MSTO1: variants seen among roughly 807,000 people sequenced by gnomAD.
MSTO1 encodes the protein protein misato homolog 1.
In MSTO1, 24 loss-of-function variants were observed where a neutral mutation model predicts 55.7. That is an observed-to-expected ratio of 0.43 (90% confidence interval 0.31 to 0.61). MSTO1 has a LOEUF of 0.61. Among genes scored for constraint, MSTO1 ranks in the 20% least tolerant of loss-of-function variants. The pLI, the probability that MSTO1 is intolerant of heterozygous loss-of-function variation, is 0.09. For missense variants in MSTO1, 363 were observed against 625.7 expected (o/e 0.58, Z 4.48); for synonymous variants, 162 against 252.8 (o/e 0.64, Z 3.41).
At chr1:155,609,243 A>ATATATATATATATATATATTT (rs59756178), upstream of MSTO1, among the ~76,000 whole-genome samples, 3 of 54,566 alleles carry the variant, frequency 5.5e-5, no homozygotes, top group Non-Finnish European at 9.0e-5. Context: ...ATATATATAT[A>ATATATATATATATATATATTT]TTTTTTTTTT....
the MSTO1 span, among the ~76,000 whole-genome samples, chr1:155,587,603 G>A: frequency 2.0e-5 from 3 of 151,764 alleles, no homozygotes; most frequent in African/African-American, 7.3e-5. Flanking sequence ...AATTAGCCGG[G>A]CGTGGTGGCG....
chr1:155,598,594 C>T, the MSTO1 span, among the ~76,000 whole-genome samples: 1 of 152,062 alleles, frequency 6.6e-6, no homozygotes, highest in Non-Finnish European at 1.5e-5. Flanking sequence ...TGGTGGTACA[C>T]ACCTGTAATC....
chr1:155,589,678 T>C, the MSTO1 span, among the ~76,000 whole-genome samples: 215 of 152,104 alleles, frequency 1.4e-3, no homozygotes, highest in Non-Finnish European at 2.5e-3. Flanking sequence ...GCTGAAGAAC[T>C]TGGAGTCCAG....
At chr1:155,569,599 G>A in the MSTO1 span, among the ~76,000 whole-genome samples, 1 of 151,630 alleles carries the variant, frequency 6.6e-6, no homozygotes. Context: ...CACCACGCCT[G>A]ACTAATTTTT....
Position 155,610,260 on chromosome 1 carries a change from G to A in MSTO1, c.12G>A (p.Gly4=), listed in dbSNP as rs1673529128. 1 of 741,600 alleles carries A rather than the reference G, an allele frequency of 1.3e-6. No individual in the cohort carries two copies. Among genetic ancestry groups the A allele is most frequent in the Non-Finnish European group, 2.2e-6 (1 of 450,242 alleles). The allele number at this position is 741,600 out of a possible 1,614,324, so 45.9% of individuals were successfully genotyped here. MAG[G]AREVLTLQLG... ...TGGAGCAGCGCAGTATGGCGGGCGG[G>A]GCCCGGGAGGTGCTCACACTGCAGT... is the stretch of plus-strand genomic sequence containing the variant. The change falls in exon 1 of 14, where the codon GGG becomes GGA. Residue 4 remains glycine, a synonymous_variant. Transcript: ENST00000245564.
At chr1:155,563,683 CT>C in the MSTO1 span, 2 of 398,284 alleles carry the variant, frequency 5.0e-6, no homozygotes, top group East Asian at 7.3e-5. Flanking sequence ...CTTAGTCTCC[CT>C]TTTCTTCCTT....
chr1:155,604,856 CA>C, the MSTO1 span, among the ~76,000 whole-genome samples: 1 of 151,328 alleles, frequency 6.6e-6, no homozygotes, highest in African/African-American at 2.4e-5. Flanking sequence ...GCTTGAGTGA[CA>C]AAGTGAGATC....
At chr1:155,563,419 G>T in the MSTO1 span, 1 of 456,704 alleles carries the variant, frequency 2.2e-6, no homozygotes, top group Non-Finnish European at 4.4e-6. Flanking sequence ...AGGCCAGTAG[G>T]ACCGGCGCGC....
chr1:155,568,136 G>C, the MSTO1 span, among the ~76,000 whole-genome samples: 1 of 150,956 alleles, frequency 6.6e-6, no homozygotes, highest in Admixed American at 6.6e-5. Context: ...CTGGAGTGCA[G>C]TGTCACGATC....
the MSTO1 span, among the ~76,000 whole-genome samples, chr1:155,575,465 A>T: frequency 6.6e-6 from 1 of 151,902 alleles, no homozygotes; most frequent in South Asian, 2.1e-4. Flanking sequence ...AATTTGAGTC[A>T]GGGTCTCACT....
chr1:155,601,802 T>G, the MSTO1 span, among the ~76,000 whole-genome samples: 6 of 152,144 alleles, frequency 3.9e-5, no homozygotes, highest in Admixed American at 2.6e-4. Context: ...TCACCCAGGC[T>G]GGAGTGCAGT....
At chr1:155,564,569 G>T in the MSTO1 span, among the ~76,000 whole-genome samples, 2 of 152,138 alleles carry the variant, frequency 1.3e-5, no homozygotes, top group African/African-American at 4.8e-5. Context: ...TCCCCTTTAG[G>T]ATACGTGGAT....
At position 155,612,570 on chromosome 1, in the gene MSTO1, T is replaced by C. The variant is rs745632980; in HGVS notation, c.966T>C (p.Asp322=). Reference sequence around the variant, plus strand: ...TCAGCTTCCCTTACCTGCATTATGATGTAAGTCTCGGTGCTCTTGTTCTGA... The same window carrying C: ...TCAGCTTCCCTTACCTGCATTATGACGTAAGTCTCGGTGCTCTTGTTCTGA... The part of the protein sequence containing the change: ...PPVSFPYLHY[D]ATLPFHCSAI... The change falls in exon 9 of 14, where the codon GAT becomes GAC. Residue 322 remains aspartate (D), a splice_region_variant and synonymous_variant. Coordinates refer to ENST00000245564, the MANE Select transcript of MSTO1 (RefSeq NM_018116.4). 11 of 1,608,592 alleles carry C rather than the reference T, an allele frequency of 6.8e-6. No homozygotes were observed. The highest frequency in any genetic ancestry group is 1.1e-5 in the South Asian group (1 of 90,742).
At chr1:155,598,917 T>G in the MSTO1 span, 2 of 1,428,658 alleles carry the variant, frequency 1.4e-6, no homozygotes, top group Non-Finnish European at 2.0e-6. Context: ...TTCCAGATGG[T>G]AAGAACTTCC....
the MSTO1 span, among the ~76,000 whole-genome samples, chr1:155,580,468 G>A: frequency 5.9e-5 from 9 of 152,088 alleles, no homozygotes; most frequent in African/African-American, 1.4e-4. Context: ...CTGAGAGTTC[G>A]AGGTTGCAGT....
chr1:155,580,681 G>A, the MSTO1 span, among the ~76,000 whole-genome samples: 9 of 152,246 alleles, frequency 5.9e-5, no homozygotes, highest in South Asian at 1.0e-3. Context: ...CACTTTGGGA[G>A]GCCGAGGTGG....
chr1:155,585,001 T>C, the MSTO1 span, among the ~76,000 whole-genome samples: 1 of 151,886 alleles, frequency 6.6e-6, no homozygotes, highest in Non-Finnish European at 1.5e-5. Flanking sequence ...GCTCAAGCAG[T>C]CTTCCCACCT....
chr1:155,602,521 G>A, the MSTO1 span, among the ~76,000 whole-genome samples: 77 of 152,208 alleles, frequency 5.1e-4, no homozygotes, highest in Non-Finnish European at 7.4e-4. Flanking sequence ...ACAAATGAGT[G>A]CTTCCTGAGC....
the MSTO1 span, among the ~76,000 whole-genome samples, chr1:155,584,473 C>T: frequency 1.3e-5 from 2 of 151,710 alleles, no homozygotes; most frequent in Non-Finnish European, 2.9e-5. Flanking sequence ...TCAAGACCAG[C>T]CTGGGCACCA....
Sources: gnomAD v4.1 joint callset for allele counts (sites outside exome capture counted in the v4.1 genomes callset) on GRCh38, gnomAD v4.1.1 for gene constraint, MANE v1.5 for transcripts, NCBI Gene and HGNC (gene_info 2026-07-23, HGNC 2026-07-21) for gene names.